VIPR2: variants seen among roughly 807,000 people sequenced by gnomAD.
The protein encoded by VIPR2 is vasoactive intestinal polypeptide receptor 2.
Under a neutral mutation model 58.0 loss-of-function variants are expected in VIPR2, and 48 were observed. The observed-to-expected ratio is 0.83, with a 90% CI of 0.66 to 1.05. The LOEUF is 1.05. Ranked by LOEUF, VIPR2 falls within the 50% of genes least tolerant of loss-of-function variation. The pLI is 0.00. For synonymous variants in VIPR2, 243 were observed against 235.2 expected (o/e 1.03, Z -0.30); for missense variants, 534 against 558.0 (o/e 0.96, Z 0.43).
chr7:159,109,696 CA>C, intron 3 of VIPR2, 115 bp downstream of exon 3: 1 of 949,680 alleles, frequency 1.1e-6, no homozygotes, highest in Non-Finnish European at 1.7e-6. Context: ...CCCTGACCCC[CA>C]GGGTAGCAGG....
intron 5 of VIPR2, among the ~76,000 whole-genome samples, chr7:159,049,796 C>T (rs926010434): frequency 6.6e-6 from 1 of 152,104 alleles, no homozygotes; most frequent in Admixed American, 6.5e-5. Context: ...ATGGGGGAGT[C>T]CCGAATAGCT....
chr7:159,063,364 C>A (rs1855835397), intron 4 of VIPR2, among the ~76,000 whole-genome samples: 1 of 152,118 alleles, frequency 6.6e-6, no homozygotes, highest in South Asian at 2.1e-4. Flanking sequence ...GGTGCACCCT[C>A]CACAGCTGCT....
At chr7:159,066,089 G>A (rs1379250927) in intron 4 of VIPR2, among the ~76,000 whole-genome samples, 1 of 152,070 alleles carries the variant, frequency 6.6e-6, no homozygotes, top group African/African-American at 2.4e-5. Flanking sequence ...CAGGATGCCT[G>A]TTCCTGCAGC....
At chr7:159,062,381 G>C (rs939421048) in intron 4 of VIPR2, among the ~76,000 whole-genome samples, 1 of 152,170 alleles carries the variant, frequency 6.6e-6, no homozygotes, top group Non-Finnish European at 1.5e-5. Context: ...AGTTCTTAAA[G>C]GTAATGTGTC....
At position 159,029,397 on chromosome 7, in the gene VIPR2, C is replaced by T. The variant is rs1053540701; in HGVS notation, c.*1219G>A. On this transcript the variant is annotated 3_prime_UTR_variant, in exon 13 of 13. Transcript: ENST00000262178. ...CAGCAACGTCCCCAGACACCCTCCC[C>T]ACATCTGCAAACCACCCTTCGCCTG... 3.3e-5 allele frequency: 5 copies of T among 152,296 alleles called. No homozygotes were observed. Among genetic ancestry groups the T allele is most frequent in the African/African-American group, 1.2e-4 (5 of 41,464 alleles). 9.4% of individuals were successfully genotyped at this position (152,296 alleles called of 1,614,324 possible).
intron 2 of VIPR2, among the ~76,000 whole-genome samples, chr7:159,117,907 G>A (rs1035294242): frequency 1.3e-5 from 2 of 152,044 alleles, no homozygotes; most frequent in South Asian, 2.1e-4. Flanking sequence ...CCATCGGCTC[G>A]GATGACAGCT....
At chr7:159,090,552 C>T (rs112112517) in intron 4 of VIPR2, among the ~76,000 whole-genome samples, 7 of 107,744 alleles carry the variant, frequency 6.5e-5, no homozygotes, top group African/African-American at 9.6e-5. Flanking sequence ...GCTGGGACCA[C>T]GCACAGGGGC....
intron 4 of VIPR2, among the ~76,000 whole-genome samples, chr7:159,061,100 G>A (rs1855620005): frequency 6.6e-6 from 1 of 152,152 alleles, no homozygotes; most frequent in African/African-American, 2.4e-5. Flanking sequence ...GCAGCTGGAG[G>A]CCATCATCCT....
chr7:159,056,447 C>T (rs746236992), intron 5 of VIPR2, among the ~76,000 whole-genome samples: 2 of 152,168 alleles, frequency 1.3e-5, no homozygotes, highest in South Asian at 2.1e-4. Flanking sequence ...AGTTCAAACC[C>T]GTGTTGTCTG....
At chr7:159,117,233 G>A in intron 2 of VIPR2, 1 of 696,590 alleles carries the variant, frequency 1.4e-6, no homozygotes, top group South Asian at 1.6e-5. Flanking sequence ...ATCTCAGACT[G>A]CATGGGACTT....
intron 6 of VIPR2, among the ~76,000 whole-genome samples, chr7:159,039,226 A>T (rs1854166003): frequency 6.6e-6 from 1 of 152,234 alleles, no homozygotes; most frequent in Non-Finnish European, 1.5e-5. Flanking sequence ...TGGGAGGCCA[A>T]GGCGGGGGGA....
intron 2 of VIPR2, 110 bp downstream of exon 2, chr7:159,142,336 T>C: frequency 1.3e-6 from 1 of 772,782 alleles, no homozygotes; most frequent in Non-Finnish European, 2.1e-6. Flanking sequence ...CCTTTCTTTT[T>C]CTTTTTTTTT....
At chr7:159,120,745 C>T (rs1019242282) in intron 2 of VIPR2, among the ~76,000 whole-genome samples, 4 of 152,300 alleles carry the variant, frequency 2.6e-5, no homozygotes, top group Admixed American at 6.5e-5. Flanking sequence ...TGTCCCACCG[C>T]ACCCTATTTA....
intron 6 of VIPR2, 134 bp downstream of exon 6, chr7:159,042,901 G>T: frequency 8.0e-7 from 1 of 1,244,808 alleles, no homozygotes; most frequent in Non-Finnish European, 1.1e-6. Context: ...TCTCTGCCAG[G>T]CTCTCTGTTT....
chr7:159,032,715 G>A (rs972117779), intron 10 of VIPR2, among the ~76,000 whole-genome samples: 17 of 152,170 alleles, frequency 1.1e-4, no homozygotes, highest in African/African-American at 3.1e-4. Flanking sequence ...AGGGTGTCTC[G>A]GCCTTTTCTG....
At chr7:159,048,156 TTTTTC>T (rs1365198139) in intron 5 of VIPR2, among the ~76,000 whole-genome samples, 1 of 149,802 alleles carries the variant, frequency 6.7e-6, no homozygotes, top group Non-Finnish European at 1.5e-5. Context: ...TGAGAAACAC[TTTTTC>T]TAATCAATGG....
At chr7:159,043,279 C>T (rs536823289) in intron 5 of VIPR2, 103 bp from the exon 6 acceptor site, 4 of 1,058,350 alleles carry the variant, frequency 3.8e-6, no homozygotes, top group Middle Eastern at 2.9e-4. Flanking sequence ...CAGAGAAGCA[C>T]AGAAAAATAA....
chr7:159,069,837 G>A (rs980005430), intron 4 of VIPR2, among the ~76,000 whole-genome samples: 3 of 152,124 alleles, frequency 2.0e-5, no homozygotes, highest in South Asian at 2.1e-4. Context: ...CATTTTAAAT[G>A]CATTTATTTC....
rs958178636 is a variant in VIPR2, at chr7:159,128,649, C to T, written c.151+13797G>A. On this transcript the variant is annotated intron_variant, in intron 2 of 12. Coordinates refer to ENST00000262178, the MANE Select transcript of VIPR2 (RefSeq NM_003382.5). This position sits in a 1 kb window ranked among gnomAD's most constrained non-coding sequence, Gnocchi z 4.1. ...GGTCCTGCCCTTCCCACACTTACCA[C>T]GAGGGCATCTCCATCTCCCACCTGG... Among the ~76,000 whole-genome samples the T allele has an allele frequency of 3.3e-5, 5 of 152,194 alleles. No homozygotes were observed. The highest frequency in any genetic ancestry group is 9.7e-5 in the African/African-American group (4 of 41,450).
Sources: gnomAD v4.1 joint callset for allele counts (sites outside exome capture counted in the v4.1 genomes callset) on GRCh38, gnomAD v4.1.1 for gene constraint, Gnocchi (gnomAD v3.1) non-coding constraint, MANE v1.5 for transcripts, NCBI Gene and HGNC (gene_info 2026-07-23, HGNC 2026-07-21) for gene names.